The following USP22 variants were observed in gnomAD, a reference collection of about 807,000 sequenced individuals.
USP22 encodes ubiquitin carboxyl-terminal hydrolase 22.
A neutral mutation model predicts 68.1 loss-of-function variants in USP22; 22 were observed. The observed-to-expected ratio is 0.32, with a 90% CI of 0.23 to 0.46. USP22 has a LOEUF of 0.46. Among genes scored for constraint, USP22 ranks in the 20% least tolerant of loss-of-function variants. USP22 has a pLI of 1.00. For synonymous variants in USP22, 279 were observed against 274.2 expected, an observed-to-expected ratio of 1.02 and a Z score of -0.17; for missense variants, 433 against 695.8, an observed-to-expected ratio of 0.62 and a Z score of 4.25.
At chr17:21,024,415 A>G (rs1972195317) in intron 2 of USP22, among the ~76,000 whole-genome samples, 1 of 152,076 alleles carries the variant, frequency 6.6e-6, no homozygotes, top group Non-Finnish European at 1.5e-5. Flanking sequence ...CATAAAACCA[A>G]CCGACATCCA....
chr17:21,015,763 C>T lies in USP22; in HGVS notation c.827G>A (p.Arg276Gln), dbSNP rs763170449. 18 of 1,612,858 alleles carry T rather than the reference C, an allele frequency of 1.1e-5. No individual in the cohort carries two copies. In the Admixed American group the frequency reaches 2.2e-4, roughly 19 times the overall value. ...AGCCCAGGGCCCACCTTTGCAGTGTCGGTGGAGCACGTCCAGGGCCGCGAT... is the reference window on the plus strand; with the variant it reads ...AGCCCAGGGCCCACCTTTGCAGTGTTGGTGGAGCACGTCCAGGGCCGCGAT... ...FLIAALDVLHRHCKGDDNGKK... is the reference protein window; with the variant it reads ...FLIAALDVLHQHCKGDDNGKK... The change falls in exon 6 of 13, where the codon CGA (arginine) becomes CAA (glutamine). Residue 276 changes from arginine to glutamine, a missense_variant. Physicochemically the swap from Arg to Gln is conservative, Grantham distance 43. Coordinates refer to ENST00000261497, the MANE Select transcript of USP22 (RefSeq NM_015276.2).
chr17:21,028,505 G>A, intron 2 of USP22, 37 bp downstream of exon 2: 1 of 1,606,894 alleles, frequency 6.2e-7, no homozygotes, highest in Non-Finnish European at 8.5e-7. Context: ...CAATTTGGGG[G>A]CCACAACTAT....
rs1475482785 is a variant in USP22, at chr17:21,001,239, C to T, written c.*1792G>A. The T allele has an allele frequency of 2.0e-5, 3 of 152,122 alleles. No individual in the cohort carries two copies. Among genetic ancestry groups the T allele is most frequent in the Non-Finnish European group, 2.9e-5 (2 of 68,030 alleles). The allele number at this position is 152,122 out of a possible 1,614,324, so 9.4% of individuals were successfully genotyped here. Reference sequence around the variant, plus strand: ...AAAACAACAGAAAATGAACAGAGCACGTGGGCAAGAAACCGCATCCCTCAG... The same window carrying T: ...AAAACAACAGAAAATGAACAGAGCATGTGGGCAAGAAACCGCATCCCTCAG... On this transcript the variant is annotated 3_prime_UTR_variant, in exon 13 of 13. Coordinates refer to ENST00000261497, the MANE Select transcript of USP22 (RefSeq NM_015276.2).
At chr17:21,018,970 A>C in intron 4 of USP22, 114 bp downstream of exon 4, 1 of 1,068,496 alleles carries the variant, frequency 9.4e-7, no homozygotes, top group South Asian at 1.4e-5. Context: ...TTGATGAGTG[A>C]CAGTTATGCA....
rs1471193483 is a variant in USP22 at position 20,999,990 on chromosome 17, G to GC, written c.*3040dup. 6.6e-6 allele frequency: 1 copy of GC among 152,316 alleles called. No individual in the cohort carries two copies. The highest frequency in any genetic ancestry group is 1.5e-5 in the Non-Finnish European group (1 of 68,174). 9.4% of individuals were successfully genotyped at this position (152,316 alleles called of 1,614,324 possible). On this transcript the variant is annotated 3_prime_UTR_variant, in exon 13 of 13. Transcript: ENST00000261497. ...CAGAGGGCCCCGGGGCCAGAGGGAGGCCGCCCACACTCCCAGCACATCACC... is the reference window on the plus strand; with the variant it reads ...CAGAGGGCCCCGGGGCCAGAGGGAGGCCCGCCCACACTCCCAGCACATCACC...
chr17:21,036,683 C>T (rs2143647466), intron 1 of USP22, among the ~76,000 whole-genome samples: 1 of 152,144 alleles, frequency 6.6e-6, no homozygotes, highest in East Asian at 1.9e-4. Context: ...GAGGGGAAGG[C>T]TAGAATAATC....
chr17:21,032,058 T>C (rs1311636166), intron 1 of USP22, among the ~76,000 whole-genome samples: 2 of 152,224 alleles, frequency 1.3e-5, no homozygotes, highest in Non-Finnish European at 2.9e-5. Context: ...CCCAGAAGAT[T>C]ATAGTATCAT....
chr17:21,005,205 C>A, intron 10 of USP22: 1 of 573,284 alleles, frequency 1.7e-6, no homozygotes. Flanking sequence ...GGTCCTGAGG[C>A]CACCTGGCGT....
chr17:21,037,108 T>C (rs1053443958), intron 1 of USP22, among the ~76,000 whole-genome samples: 18 of 152,238 alleles, frequency 1.2e-4, no homozygotes, highest in Admixed American at 7.2e-4. Context: ...TACAGCCAGA[T>C]GATGGGAGCA....
chr17:21,019,291 A>C, intron 3 of USP22, 106 bp from the exon 4 acceptor site: 1 of 1,070,638 alleles, frequency 9.3e-7, no homozygotes. Flanking sequence ...GGTGCATTTC[A>C]GTGAGCAACA....
chr17:21,011,073 A>T, intron 8 of USP22, 78 bp downstream of exon 8: 1 of 1,499,138 alleles, frequency 6.7e-7, no homozygotes, highest in Non-Finnish European at 8.9e-7. Context: ...CATGTGAAAG[A>T]GCCCTGCTTT....
rs1341061108 is a variant in USP22, at chr17:21,012,706, A to G, written c.944+124T>C. On this transcript the variant is annotated intron_variant, in intron 7 of 12. Coordinates refer to ENST00000261497, the MANE Select transcript of USP22 (RefSeq NM_015276.2). The stretch of plus-strand genomic sequence containing the variant: ...CACAACCTTCGCTCTCATGGCGTCT[A>G]TTAATCATTTATCTCATAGCCTCCT... 6 of 859,882 alleles carry G rather than the reference A, an allele frequency of 7.0e-6. No homozygotes were observed. The East Asian group carries it at 1.3e-4, about 19-fold the overall frequency. 53.3% of individuals were successfully genotyped at this position (859,882 alleles called of 1,614,324 possible). A position where few individuals can be genotyped will look rare whatever the true frequency, so the allele number is the denominator to read the frequency against.
intron 1 of USP22, among the ~76,000 whole-genome samples, chr17:21,041,369 G>A (rs1972428527): frequency 6.6e-6 from 1 of 151,986 alleles, no homozygotes; most frequent in Non-Finnish European, 1.5e-5. Flanking sequence ...AGGCAGAGGC[G>A]GGTGGATCAC....
chr17:21,006,769 C>T, intron 10 of USP22, 127 bp downstream of exon 10: 2 of 649,588 alleles, frequency 3.1e-6, no homozygotes, highest in Non-Finnish European at 5.0e-6. Context: ...TCCTGAAGTG[C>T]TGGGATTACA....
chr17:21,033,463 C>A (rs1461331835), intron 1 of USP22, among the ~76,000 whole-genome samples: 1 of 152,162 alleles, frequency 6.6e-6, no homozygotes, highest in Non-Finnish European at 1.5e-5. Context: ...ACTCACACTA[C>A]CTCCCACCCC....
At chr17:21,027,232 G>C (rs972307286) in intron 2 of USP22, among the ~76,000 whole-genome samples, 1 of 135,556 alleles carries the variant, frequency 7.4e-6, no homozygotes, top group African/African-American at 2.8e-5. Flanking sequence ...AGGCCGCAGC[G>C]AGCCATGACC....
Position 21,021,297 on chromosome 17 carries a change from T to C in USP22, c.305-71A>G, listed in dbSNP as rs1029045960. On this transcript the variant is annotated intron_variant, in intron 2 of 12. Transcript: ENST00000261497. ...CACAATGGAAGGCTGGAGGGCAGAGTTAAACACAGTGAGGTTCTGTAGATA... is the reference window on the plus strand; with the variant it reads ...CACAATGGAAGGCTGGAGGGCAGAGCTAAACACAGTGAGGTTCTGTAGATA... The C allele has an allele frequency of 2.3e-5, 24 of 1,045,758 alleles. 1 individual carries two copies. Among genetic ancestry groups the C allele is most frequent in the Admixed American group, 2.2e-4 (12 of 54,540 alleles). The allele number at this position is 1,045,758 out of a possible 1,614,324, so 64.8% of individuals were successfully genotyped here.
rs1417975324 is a variant in USP22, at chr17:21,018,050, C to G, written c.582G>C (p.Leu194=). ...TCFMNCIVQA[L]THTPLLRDFF... Reference sequence around the variant, plus strand: ...AGTCCCGCAGAAGTGGCGTGTGGGTCAGGGCCTGCACGATGCAGTTCATGA... The same window carrying G: ...AGTCCCGCAGAAGTGGCGTGTGGGTGAGGGCCTGCACGATGCAGTTCATGA... The change falls in exon 5 of 13, where the codon CTG becomes CTC. Residue 194 remains leucine, a synonymous_variant. Coordinates refer to ENST00000261497, the MANE Select transcript of USP22 (RefSeq NM_015276.2). 6.2e-7 allele frequency: 1 copy of G among 1,613,774 alleles called. No individual in the cohort carries two copies. The highest frequency in any genetic ancestry group is 1.3e-5 in the African/African-American group (1 of 74,908).
At chr17:21,041,367 G>A (rs943215092) in intron 1 of USP22, among the ~76,000 whole-genome samples, 2 of 152,028 alleles carry the variant, frequency 1.3e-5, no homozygotes, top group African/African-American at 4.8e-5. Context: ...GGAGGCAGAG[G>A]CGGGTGGATC....
Sources: allele counts gnomAD v4.1 joint callset (sites outside exome capture counted in the v4.1 genomes callset), GRCh38; gene constraint gnomAD v4.1.1; transcripts MANE v1.5; gene names NCBI Gene and HGNC (gene_info 2026-07-23, HGNC 2026-07-21).